NDE1: variants seen among roughly 807,000 people sequenced by gnomAD.
NDE1 encodes nuclear distribution protein nudE homolog 1.
Under a neutral mutation model 43.4 loss-of-function variants are expected in NDE1, and 28 were observed. That is an observed-to-expected ratio of 0.65 (90% confidence interval 0.48 to 0.89). NDE1 has a LOEUF of 0.89. NDE1 is among the 40% of genes least tolerant of loss of function. NDE1 has a pLI of 0.00. For missense variants in NDE1, 441 were observed against 434.1 expected (o/e 1.02, Z -0.14); for synonymous variants, 184 against 172.0 (o/e 1.07, Z -0.55).
chr16:15,659,620 A>G (rs2036946611), intron 1 of NDE1, among the ~76,000 whole-genome samples: 1 of 151,412 alleles, frequency 6.6e-6, no homozygotes, highest in Non-Finnish European at 1.5e-5. Flanking sequence ...TATTTTTAGT[A>G]GAGATGGGGT....
chr16:15,660,152 G>A (rs981997449), intron 1 of NDE1, among the ~76,000 whole-genome samples: 2 of 152,068 alleles, frequency 1.3e-5, no homozygotes, highest in Non-Finnish European at 2.9e-5. Flanking sequence ...TCAACAGGGA[G>A]TATACAAACC....
intron 2 of NDE1, among the ~76,000 whole-genome samples, chr16:15,666,118 G>C (rs1369749148): frequency 6.6e-6 from 1 of 152,018 alleles, no homozygotes; most frequent in East Asian, 1.9e-4. Flanking sequence ...TAAGTTCTTT[G>C]TGCACAGGGA....
intron 8 of NDE1, chr16:15,717,105 C>T (rs1437577214): frequency 1.2e-6 from 2 of 1,610,358 alleles, no homozygotes; most frequent in South Asian, 2.2e-5. Context: ...CATCACCCCC[C>T]TGCAAACTGG....
Position 15,717,295 on chromosome 16 carries a change from ATTC to A in NDE1, c.948-6891_948-6889del, listed in dbSNP as rs2151198418. 3.1e-6 allele frequency: 5 copies of A among 1,613,102 alleles called. No homozygotes were observed. Among genetic ancestry groups the A allele is most frequent in the Non-Finnish European group, 4.2e-6 (5 of 1,180,014 alleles). The stretch of plus-strand genomic sequence containing the variant: ...GCTCGAGCTGCTGCCGGGCACTCTC[ATTC>A]TTCTGGGCCGTGCTGCGCTCTGTGG... On this transcript the variant is annotated intron_variant, in intron 8 of 8. Coordinates refer to ENST00000396354, the MANE Select transcript of NDE1 (RefSeq NM_017668.3).
chr16:15,671,012 G>A (rs1017615523), intron 3 of NDE1, among the ~76,000 whole-genome samples: 8 of 152,166 alleles, frequency 5.3e-5, no homozygotes, highest in Admixed American at 3.9e-4. Context: ...CCCCATAGGT[G>A]TTGTTTGATC....
intron 1 of NDE1, among the ~76,000 whole-genome samples, chr16:15,660,688 C>T (rs1203769343): frequency 6.6e-6 from 1 of 152,150 alleles, no homozygotes. Context: ...AGAAACTGTT[C>T]TTGCTCACAC....
chr16:15,715,359 G>A (rs937740289), intron 8 of NDE1: 5 of 1,207,158 alleles, frequency 4.1e-6, no homozygotes, highest in Non-Finnish European at 6.1e-6. Context: ...CATCTTGAGT[G>A]CTTTCCTGAG....
chr16:15,667,787 A>G (rs2037392871), intron 3 of NDE1, among the ~76,000 whole-genome samples: 1 of 151,404 alleles, frequency 6.6e-6, no homozygotes, highest in Admixed American at 6.6e-5. Context: ...GCCTGCTACC[A>G]CGCCTGGCTA....
intron 1 of NDE1, among the ~76,000 whole-genome samples, chr16:15,663,588 A>C (rs1045526526): frequency 6.6e-6 from 1 of 152,064 alleles, no homozygotes; most frequent in African/African-American, 2.4e-5. Context: ...TCTTCTAGGA[A>C]GCCTTCCTTG....
intron 8 of NDE1, chr16:15,719,585 C>A: frequency 6.2e-7 from 1 of 1,614,124 alleles, no homozygotes; most frequent in Non-Finnish European, 8.5e-7. Flanking sequence ...GAGGCTTTAC[C>A]TCTTGTAGCT....
chr16:15,651,078 C>T (rs983733048), intron 1 of NDE1, among the ~76,000 whole-genome samples: 1 of 152,222 alleles, frequency 6.6e-6, no homozygotes, highest in African/African-American at 2.4e-5. Flanking sequence ...ACCCCGCTGT[C>T]ACCTTGACAC....
At chr16:15,671,325 G>A (rs916617048) in intron 3 of NDE1, among the ~76,000 whole-genome samples, 3 of 151,908 alleles carry the variant, frequency 2.0e-5, no homozygotes, top group African/African-American at 7.3e-5. Flanking sequence ...GCAACATAGC[G>A]AGACTCTGTC....
At chr16:15,644,965 G>T (rs1394840009) in intron 1 of NDE1, among the ~76,000 whole-genome samples, 3 of 148,672 alleles carry the variant, frequency 2.0e-5, no homozygotes, top group South Asian at 2.1e-4. Flanking sequence ...CATTGCCCAG[G>T]CTGGAGTGCA....
rs751804657 is a variant in NDE1 at position 15,667,480 on chromosome 16, G to A, written c.237+41G>A. 7.6e-5 allele frequency: 123 copies of A among 1,609,896 alleles called. 6 individuals are homozygous for A. Among genetic ancestry groups the A allele is most frequent in the South Asian group, 2.1e-4 (19 of 90,922 alleles). ...GAAGTGTGCTCAGGTGTAGACAGGC[G>A]TCCAACACAGGCATGGCATGCTTGG... On this transcript the variant is annotated intron_variant, in intron 3 of 8. Coordinates refer to ENST00000396354, the MANE Select transcript of NDE1 (RefSeq NM_017668.3).
intron 8 of NDE1, among the ~76,000 whole-genome samples, chr16:15,715,495 G>A (rs1305252757): frequency 1.3e-5 from 2 of 152,226 alleles, no homozygotes; most frequent in Non-Finnish European, 2.9e-5. Context: ...AGTGAAAGAA[G>A]ACACATAGCA....
intron 8 of NDE1, chr16:15,718,515 T>G: frequency 2.6e-6 from 4 of 1,518,716 alleles, no homozygotes; most frequent in Non-Finnish European, 3.5e-6. Context: ...GAGTCATGCC[T>G]CAGGGGTATT....
chr16:15,658,759 C>T lies in NDE1; in HGVS notation c.-43-5977C>T, dbSNP rs138578648. ...GCAACCTCTGGCTCCCGGGTTCAAG[C>T]GATTCTCATGCCTTAGCCTCCCGAG... is the stretch of plus-strand genomic sequence containing the variant. On this transcript the variant is annotated intron_variant, in intron 1 of 8. Coordinates refer to ENST00000396354, the MANE Select transcript of NDE1 (RefSeq NM_017668.3). 1.9e-3 allele frequency among the ~76,000 whole-genome samples: 290 copies of T among 152,240 alleles called. 1 individual carries two copies. Among genetic ancestry groups the T allele is most frequent in the South Asian group, 2.5e-3 (12 of 4,816 alleles).
At chr16:15,706,887 C>G (rs1466737911) in intron 8 of NDE1, among the ~76,000 whole-genome samples, 2 of 152,152 alleles carry the variant, frequency 1.3e-5, no homozygotes, top group Non-Finnish European at 2.9e-5. Flanking sequence ...AAGCTCCTTG[C>G]TTGGCTGTCA....
At chr16:15,720,687 T>G in intron 8 of NDE1, 1 of 863,926 alleles carries the variant, frequency 1.2e-6, no homozygotes, top group South Asian at 1.5e-5. Context: ...GAGCTGAGAT[T>G]ACGCCACTGC....
Sources: gnomAD v4.1 joint callset for allele counts (sites outside exome capture counted in the v4.1 genomes callset) on GRCh38, gnomAD v4.1.1 for gene constraint, MANE v1.5 for transcripts, NCBI Gene and HGNC (gene_info 2026-07-23, HGNC 2026-07-21) for gene names.